The following KCNH1 variants were observed in gnomAD, a reference collection of about 807,000 sequenced individuals.
The protein encoded by KCNH1 is voltage-gated delayed rectifier potassium channel KCNH1.
In KCNH1, 27 loss-of-function variants were observed where a neutral mutation model predicts 69.2. The observed-to-expected ratio is 0.39, with a 90% CI of 0.29 to 0.54. The LOEUF (loss-of-function observed/expected upper bound fraction) is 0.54. Ranked by LOEUF, KCNH1 falls within the 20% of genes least tolerant of loss-of-function variation. The pLI is 0.68. For missense variants in KCNH1, 798 were observed against 1,261.6 expected, an observed-to-expected ratio of 0.63 and a Z score of 5.57; for synonymous variants, 456 against 487.7, an observed-to-expected ratio of 0.93 and a Z score of 0.86.
intron 1 of KCNH1, among the ~76,000 whole-genome samples, chr1:211,107,833 T>C (rs1691385686): frequency 6.6e-6 from 1 of 152,132 alleles, no homozygotes; most frequent in African/African-American, 2.4e-5. Flanking sequence ...CTAACTAGGA[T>C]TTGCCCAACC....
Position 210,828,290 on chromosome 1 carries a change from C to A in KCNH1, c.1463-24124G>T, listed in dbSNP as rs143476074. 4.9e-4 allele frequency among the ~76,000 whole-genome samples: 75 copies of A among 152,210 alleles called. No individual in the cohort carries two copies. In the East Asian group the frequency reaches 0.011, roughly 22 times the overall value. On this transcript the variant is annotated intron_variant, in intron 7 of 10. Coordinates refer to ENST00000271751, the MANE Select transcript of KCNH1 (RefSeq NM_172362.3). ...TTTATCAAGGGTCCTTTACTAAGCT[C>A]CCACTAACATGTACCACAATATTTA...
chr1:210,917,191 C>T (rs1257750766), intron 7 of KCNH1, among the ~76,000 whole-genome samples: 1 of 106,078 alleles, frequency 9.4e-6, no homozygotes, highest in Non-Finnish European at 1.9e-5. Context: ...AATAAAGAGA[C>T]AGAGAAAGAA....
At chr1:210,946,359 G>A (rs1687958803) in intron 6 of KCNH1, among the ~76,000 whole-genome samples, 1 of 152,106 alleles carries the variant, frequency 6.6e-6, no homozygotes, top group Non-Finnish European at 1.5e-5. Flanking sequence ...AAGATGCCCT[G>A]CCCCTCCTTG....
At chr1:211,048,954 T>G (rs1198672760) in intron 5 of KCNH1, among the ~76,000 whole-genome samples, 1 of 152,142 alleles carries the variant, frequency 6.6e-6, no homozygotes, top group Non-Finnish European at 1.5e-5. Context: ...AGTACTTAGC[T>G]TCCTCAAGGA....
At chr1:210,688,386 C>A (rs186374175) in intron 10 of KCNH1, among the ~76,000 whole-genome samples, 3 of 152,210 alleles carry the variant, frequency 2.0e-5, no homozygotes, top group Admixed American at 6.5e-5. Flanking sequence ...TGCATTACCC[C>A]CTGGTGGACA....
In KCNH1 at chr1:210,827,780, T is replaced by C. The variant is rs574728296; in HGVS notation, c.1463-23614A>G. Among the ~76,000 whole-genome samples the C allele has an allele frequency of 7.9e-5, 12 of 152,290 alleles. No homozygotes were observed. In the South Asian group the frequency reaches 2.5e-3, roughly 32 times the overall value. On this transcript the variant is annotated intron_variant, in intron 7 of 10. Coordinates refer to ENST00000271751, the MANE Select transcript of KCNH1 (RefSeq NM_172362.3). The stretch of plus-strand genomic sequence containing the variant: ...ATTCACAAACCAGCTCCAATAGTCA[T>C]TGCCTTGGCTTCTTATTTTAGGCAA...
At chr1:210,990,756 A>G (rs1456554036) in intron 6 of KCNH1, among the ~76,000 whole-genome samples, 1 of 152,256 alleles carries the variant, frequency 6.6e-6, no homozygotes, top group Non-Finnish European at 1.5e-5. Context: ...AATGTCTAGC[A>G]CATATTAGGA....
intron 1 of KCNH1, among the ~76,000 whole-genome samples, chr1:211,112,186 C>T (rs73075411): frequency 1.0e-3 from 151 of 150,082 alleles, no homozygotes; most frequent in African/African-American, 3.5e-3. Flanking sequence ...TGAGGAGCAT[C>T]TCTGGCCTGC....
chr1:211,098,280 C>A (rs970546432), intron 3 of KCNH1, among the ~76,000 whole-genome samples: 1 of 148,974 alleles, frequency 6.7e-6, no homozygotes, highest in Non-Finnish European at 1.5e-5. Context: ...GAGATCGCGC[C>A]ACTGCACTCC....
intron 7 of KCNH1, among the ~76,000 whole-genome samples, chr1:210,901,627 A>G (rs1686997179): frequency 6.6e-6 from 1 of 152,142 alleles, no homozygotes; most frequent in African/African-American, 2.4e-5. Flanking sequence ...CAGGCAGAAA[A>G]TGATGCAGAA....
intron 5 of KCNH1, among the ~76,000 whole-genome samples, chr1:211,034,134 G>A (rs764296680): frequency 8.5e-5 from 13 of 152,158 alleles, no homozygotes; most frequent in Non-Finnish European, 1.8e-4. Flanking sequence ...ACTTGTACAT[G>A]AATGTTTATA....
At chr1:210,863,632 C>A (rs750277863) in intron 7 of KCNH1, among the ~76,000 whole-genome samples, 4 of 152,124 alleles carry the variant, frequency 2.6e-5, no homozygotes, top group Non-Finnish European at 5.9e-5. Flanking sequence ...TGAATGGTAC[C>A]TCCATCACTG....
chr1:211,018,329 T>A (rs1689529089), intron 6 of KCNH1, among the ~76,000 whole-genome samples: 1 of 152,188 alleles, frequency 6.6e-6, no homozygotes, highest in Non-Finnish European at 1.5e-5. Context: ...CAGAAAAAAG[T>A]AAAAGCAAAC....
rs551487610 is a variant in KCNH1 at position 210,999,677 on chromosome 1, A to G, written c.1032+19106T>C. Among the ~76,000 whole-genome samples the G allele has an allele frequency of 2.4e-3, 369 of 152,338 alleles. 4 individuals are homozygous for G. The highest frequency in any genetic ancestry group is 6.3e-4 in the Non-Finnish European group (43 of 68,034). On this transcript the variant is annotated intron_variant, in intron 6 of 10. Transcript: ENST00000271751. ...TAACTCATTTTATGAGGCCAGCATC[A>G]TCCTCATACCAAAGCCTGGCAGAGA...
chr1:210,922,410 A>AC (rs1687481928), intron 6 of KCNH1, among the ~76,000 whole-genome samples: 3 of 120,730 alleles, frequency 2.5e-5, no homozygotes, highest in Non-Finnish European at 5.2e-5. Flanking sequence ...AAAAAAAAAA[A>AC]AAAAAAAAAA....
At chr1:210,876,019 A>C (rs527972944) in intron 7 of KCNH1, among the ~76,000 whole-genome samples, 1 of 152,300 alleles carries the variant, frequency 6.6e-6, no homozygotes, top group South Asian at 2.1e-4. Context: ...ATAAATCATT[A>C]ACTATAAAAC....
intron 6 of KCNH1, among the ~76,000 whole-genome samples, chr1:211,014,771 T>A (rs990780025): frequency 2.6e-5 from 4 of 152,200 alleles, no homozygotes; most frequent in African/African-American, 4.8e-5. Flanking sequence ...TATTTTTTTA[T>A]GAGAAATGAG....
chr1:210,966,822 T>C (rs1444033669), intron 6 of KCNH1, among the ~76,000 whole-genome samples: 1 of 152,156 alleles, frequency 6.6e-6, no homozygotes, highest in East Asian at 1.9e-4. Context: ...TTCTCAGGGA[T>C]CTCAAACTAG....
intron 10 of KCNH1, among the ~76,000 whole-genome samples, chr1:210,763,747 C>A (rs1424271450): frequency 6.6e-6 from 1 of 152,084 alleles, no homozygotes; most frequent in Non-Finnish European, 1.5e-5. Context: ...GCATTCCATA[C>A]TTATGAATTG....
Sources: gnomAD v4.1 joint callset for allele counts (sites outside exome capture counted in the v4.1 genomes callset) on GRCh38, gnomAD v4.1.1 for gene constraint, MANE v1.5 for transcripts, NCBI Gene and HGNC (gene_info 2026-07-23, HGNC 2026-07-21) for gene names.